The following CYRIB variants were observed in gnomAD, a reference collection of about 807,000 sequenced individuals.
CYRIB encodes the protein CYFIP related Rac1 interactor B.
CYRIB carries 8 observed loss-of-function variants against 44.2 expected under a neutral mutation model. The ratio of observed to expected loss-of-function variants is 0.18; its 90% CI spans 0.11 to 0.33. The LOEUF (loss-of-function observed/expected upper bound fraction) is 0.33. Among genes scored for constraint, CYRIB ranks in the 10% least tolerant of loss-of-function variants. The probability of loss-of-function intolerance (pLI) is 1.00; values close to 1 mark genes in which losing one functional copy is unlikely to be tolerated. For synonymous variants in CYRIB, 131 were observed against 127.2 expected, an observed-to-expected ratio of 1.03 and a Z score of -0.20; for missense variants, 185 against 382.8, an observed-to-expected ratio of 0.48 and a Z score of 4.31.
chr8:129,860,188 C>T (rs976181655), intron 5 of CYRIB, among the ~76,000 whole-genome samples: 2 of 152,194 alleles, frequency 1.3e-5, no homozygotes, highest in East Asian at 1.9e-4. Context: ...ACACACACCA[C>T]GAGACCGATT....
At chr8:129,943,313 G>A (rs1001811514), upstream of CYRIB, among the ~76,000 whole-genome samples, 4 of 152,010 alleles carry the variant, frequency 2.6e-5, no homozygotes, top group Admixed American at 2.0e-4. Context: ...TTGGCCAGGT[G>A]CAGTGGCTCA....
intron 1 of CYRIB, among the ~76,000 whole-genome samples, chr8:129,921,968 G>A (rs563923683): frequency 2.0e-5 from 3 of 151,934 alleles, no homozygotes; most frequent in African/African-American, 7.2e-5. Context: ...TGGAGTTCAG[G>A]GAAGAGGTCA....
At chr8:129,935,094 G>A (rs1369004720) in intron 1 of CYRIB, among the ~76,000 whole-genome samples, 3 of 152,128 alleles carry the variant, frequency 2.0e-5, no homozygotes, top group African/African-American at 4.8e-5. Flanking sequence ...ATTGGGCCAC[G>A]AGAAATAGAG....
At chr8:129,975,817 C>T (rs2095890677) in intron 1 of CYRIB, among the ~76,000 whole-genome samples, 1 of 152,094 alleles carries the variant, frequency 6.6e-6, no homozygotes, top group Non-Finnish European at 1.5e-5. Flanking sequence ...TCTGGTTTGT[C>T]CAGAGTTTAA....
At chr8:129,959,059 C>CAAAAA (rs60576774) in intron 2 of CYRIB, among the ~76,000 whole-genome samples, 8 of 68,348 alleles carry the variant, frequency 1.2e-4, no homozygotes, top group East Asian at 3.9e-4. Context: ...GACTCTGTCT[C>CAAAAA]AAAAAAAAAA....
chr8:130,000,885 C>T (rs1029380756), intron 1 of CYRIB, among the ~76,000 whole-genome samples: 1 of 151,910 alleles, frequency 6.6e-6, no homozygotes, highest in Non-Finnish European at 1.5e-5. Context: ...AAAAAAAAAT[C>T]TAATAATAAA....
chr8:129,972,121 T>C (rs777595675), intron 1 of CYRIB, among the ~76,000 whole-genome samples: 18 of 152,232 alleles, frequency 1.2e-4, no homozygotes, highest in Admixed American at 5.9e-4. Context: ...TTAGGGGCCA[T>C]GTCTAATTGT....
At chr8:129,906,280 T>C (rs529948672) in intron 1 of CYRIB, among the ~76,000 whole-genome samples, 2 of 151,698 alleles carry the variant, frequency 1.3e-5, no homozygotes, top group Non-Finnish European at 2.9e-5. Flanking sequence ...CAGAACAGAG[T>C]CCTCAGAAAT....
intron 1 of CYRIB, among the ~76,000 whole-genome samples, chr8:129,994,982 C>G (rs2096734883): frequency 6.6e-6 from 1 of 152,228 alleles, no homozygotes; most frequent in African/African-American, 2.4e-5. Flanking sequence ...TGTGGCCAAG[C>G]TGAGGCCACA....
At chr8:129,933,250 T>G (rs187601230) in intron 1 of CYRIB, among the ~76,000 whole-genome samples, 1 of 152,230 alleles carries the variant, frequency 6.6e-6, no homozygotes, top group East Asian at 1.9e-4. Context: ...CCCTGATCCC[T>G]CTCTGCTCCT....
intron 1 of CYRIB, among the ~76,000 whole-genome samples, chr8:129,975,877 G>A (rs1055241255): frequency 6.6e-6 from 1 of 152,062 alleles, no homozygotes; most frequent in Non-Finnish European, 1.5e-5. Context: ...GACTCTCTGG[G>A]GAAGCACCCC....
intron 1 of CYRIB, among the ~76,000 whole-genome samples, chr8:129,985,500 C>T (rs2096422062): frequency 6.6e-6 from 1 of 152,206 alleles, no homozygotes; most frequent in Non-Finnish European, 1.5e-5. Flanking sequence ...TGGTGACCCA[C>T]CATGTGGCTG....
At chr8:129,999,134 G>A (rs962101814) in intron 1 of CYRIB, among the ~76,000 whole-genome samples, 1 of 152,114 alleles carries the variant, frequency 6.6e-6, no homozygotes, top group Non-Finnish European at 1.5e-5. Flanking sequence ...AACGTGGGGG[G>A]GGTGGGACGC....
intron 8 of CYRIB, chr8:129,851,906 G>A (rs116065771): frequency 0.027 from 9,487 of 352,038 alleles, 145 homozygotes; most frequent in Middle Eastern, 0.07. Context: ...AAAGGGCAGG[G>A]TTAGAAAACG....
At chr8:129,947,019 T>C (rs1390371133) in intron 2 of CYRIB, among the ~76,000 whole-genome samples, 1 of 152,094 alleles carries the variant, frequency 6.6e-6, no homozygotes, top group Non-Finnish European at 1.5e-5. Flanking sequence ...ACTGGTGTTT[T>C]TCCTTCACAG....
At chr8:129,983,401 T>C (rs1323863711) in intron 1 of CYRIB, among the ~76,000 whole-genome samples, 1 of 152,068 alleles carries the variant, frequency 6.6e-6, no homozygotes, top group African/African-American at 2.4e-5. Context: ...GCCAAGACTG[T>C]GCCACTGCAC....
In CYRIB at chr8:129,907,435, G is replaced by A. The variant is rs527347730; in HGVS notation, c.-49-4085C>T. On this transcript the variant is annotated intron_variant, in intron 1 of 11. Coordinates refer to ENST00000519824, the Ensembl canonical transcript of CYRIB. ...CACAGGAAGGGGAACATCATACACC[G>A]GTGCCTGTTATGGGGTGGGGGGAGG... Among the ~76,000 whole-genome samples the A allele has an allele frequency of 2.0e-3, 302 of 151,944 alleles. 1 individual carries two copies. The highest frequency in any genetic ancestry group is 6.4e-3 in the African/African-American group (266 of 41,434).
At chr8:129,919,588 A>C (rs1310096274) in intron 1 of CYRIB, among the ~76,000 whole-genome samples, 1 of 152,222 alleles carries the variant, frequency 6.6e-6, no homozygotes, top group African/African-American at 2.4e-5. Context: ...TTATGTCTAG[A>C]GGAGAATGTC....
intron 1 of CYRIB, among the ~76,000 whole-genome samples, chr8:129,918,428 T>C (rs1193679734): frequency 6.6e-6 from 1 of 152,206 alleles, no homozygotes; most frequent in East Asian, 1.9e-4. Flanking sequence ...ACAATCTTTA[T>C]CCTGAAAGTA....
Sources: gnomAD v4.1 joint callset for allele counts (sites outside exome capture counted in the v4.1 genomes callset) on GRCh38, gnomAD v4.1.1 for gene constraint, MANE v1.5 for transcripts, NCBI Gene and HGNC (gene_info 2026-07-23, HGNC 2026-07-21) for gene names.